Variants in HS3ST2 observed in about 807,000 individuals in gnomAD.
HS3ST2 encodes heparan sulfate-glucosamine 3-sulfotransferase 2, also known as heparan sulfate glucosamine 3-O-sulfotransferase 2.
HS3ST2 carries 17 observed loss-of-function variants against 26.3 expected under a neutral mutation model. The observed-to-expected ratio is 0.65, with a 90% CI of 0.44 to 0.97. The LOEUF is 0.97. HS3ST2 is among the 50% of genes least tolerant of loss of function. The pLI is 0.00. For synonymous variants in HS3ST2, 237 were observed against 219.2 expected (o/e 1.08, Z -0.72); for missense variants, 402 against 501.2 (o/e 0.80, Z 1.89).
At chr16:22,892,151 G>C (rs982323554) in intron 1 of HS3ST2, among the ~76,000 whole-genome samples, 1 of 151,404 alleles carries the variant, frequency 6.6e-6, no homozygotes, top group Non-Finnish European at 1.5e-5. Flanking sequence ...TTAGCCGGGC[G>C]TGGTGGCAGG....
chr16:22,915,830 A>C lies in HS3ST2; in HGVS notation c.*268A>C, dbSNP rs1902488431. On this transcript the variant is annotated 3_prime_UTR_variant, in exon 2 of 2. Transcript: ENST00000261374. ...GAATCATTCTCCTTTCTGCCCATAA[A>C]GGGCCTTGGAGAATTGCTTTAAGAA... 3 of 473,176 alleles carry C rather than the reference A, an allele frequency of 6.3e-6. No homozygotes were observed. The highest frequency in any genetic ancestry group is 1.1e-5 in the Non-Finnish European group (3 of 267,562). The allele number at this position is 473,176 out of a possible 1,614,324, so 29.3% of individuals were successfully genotyped here. A position where few individuals can be genotyped will look rare whatever the true frequency, so the allele number is the denominator to read the frequency against.
intron 1 of HS3ST2, among the ~76,000 whole-genome samples, chr16:22,846,665 A>G (rs1328312424): frequency 6.6e-6 from 1 of 152,228 alleles, no homozygotes; most frequent in African/African-American, 2.4e-5. Flanking sequence ...AGGAACTACC[A>G]TGTACTGTTG....
chr16:22,836,619 A>C (rs553984099), intron 1 of HS3ST2, among the ~76,000 whole-genome samples: 1 of 151,352 alleles, frequency 6.6e-6, no homozygotes, highest in South Asian at 2.1e-4. Flanking sequence ...TTTTTCAATT[A>C]GTGCTTTAAC....
At chr16:22,862,703 T>C (rs1390895711) in intron 1 of HS3ST2, among the ~76,000 whole-genome samples, 1 of 152,012 alleles carries the variant, frequency 6.6e-6, no homozygotes, top group Non-Finnish European at 1.5e-5. Context: ...GCTCAAGGGG[T>C]ATTCAAGGCA....
intron 1 of HS3ST2, among the ~76,000 whole-genome samples, chr16:22,896,899 T>C (rs1182952902): frequency 6.6e-6 from 1 of 152,216 alleles, no homozygotes; most frequent in Non-Finnish European, 1.5e-5. Flanking sequence ...CTTGACTTCC[T>C]GGGCTCAAGT....
intron 1 of HS3ST2, among the ~76,000 whole-genome samples, chr16:22,877,977 C>T (rs956326854): frequency 6.6e-6 from 1 of 152,134 alleles, no homozygotes; most frequent in Non-Finnish European, 1.5e-5. Context: ...GGAGCCCACC[C>T]ACAAGACAAT....
chr16:22,908,412 A>G (rs1481121402), intron 1 of HS3ST2, among the ~76,000 whole-genome samples: 1 of 152,180 alleles, frequency 6.6e-6, no homozygotes, highest in Non-Finnish European at 1.5e-5. Flanking sequence ...TCAACAGAAA[A>G]TAAGTGTCTT....
chr16:22,903,421 G>A (rs1037478903), intron 1 of HS3ST2, among the ~76,000 whole-genome samples: 3 of 152,226 alleles, frequency 2.0e-5, no homozygotes, highest in Non-Finnish European at 4.4e-5. Flanking sequence ...TATGGCTGAT[G>A]ACTGCTGCGT....
intron 1 of HS3ST2, among the ~76,000 whole-genome samples, chr16:22,856,733 C>A (rs1367931188): frequency 6.6e-6 from 1 of 152,090 alleles, no homozygotes; most frequent in Non-Finnish European, 1.5e-5. Context: ...TTGGCCGTGA[C>A]CTCAGAGGGC....
intron 1 of HS3ST2, among the ~76,000 whole-genome samples, chr16:22,827,755 A>G (rs1244043641): frequency 7.5e-6 from 1 of 132,690 alleles, no homozygotes; most frequent in Non-Finnish European, 1.5e-5. Flanking sequence ...TCTGTTGCCC[A>G]TGCTGGAGTG....
intron 1 of HS3ST2, among the ~76,000 whole-genome samples, chr16:22,851,864 A>G (rs1901523404): frequency 6.6e-6 from 1 of 152,136 alleles, no homozygotes; most frequent in Admixed American, 6.6e-5. Context: ...ATGTTAGCTG[A>G]TGTAACATGA....
chr16:22,824,244 G>A (rs549246132), intron 1 of HS3ST2, among the ~76,000 whole-genome samples: 1 of 152,284 alleles, frequency 6.6e-6, no homozygotes, highest in East Asian at 1.9e-4. Context: ...AAAACATGAC[G>A]TGAAGCTTAA....
At chr16:22,889,583 T>C in intron 1 of HS3ST2, among the ~76,000 whole-genome samples, 1 of 152,096 alleles carries the variant, frequency 6.6e-6, no homozygotes, top group East Asian at 1.9e-4. Context: ...TATTCCAAAA[T>C]CTGGAAAAAA....
chr16:22,834,188 T>C (rs1386396467), intron 1 of HS3ST2, among the ~76,000 whole-genome samples: 2 of 152,118 alleles, frequency 1.3e-5, no homozygotes, highest in Non-Finnish European at 2.9e-5. Context: ...AAAATTAAAA[T>C]GGAAATCGTG....
intron 1 of HS3ST2, among the ~76,000 whole-genome samples, chr16:22,880,547 C>T (rs970854048): frequency 6.6e-6 from 1 of 152,178 alleles, no homozygotes; most frequent in African/African-American, 2.4e-5. Flanking sequence ...TCTGTTTTAC[C>T]TATTCGATCC....
intron 1 of HS3ST2, among the ~76,000 whole-genome samples, chr16:22,855,696 G>GTCTCTCTCTCTGTC (rs1901583394): frequency 1.4e-5 from 2 of 142,940 alleles, no homozygotes; most frequent in African/African-American, 2.6e-5. Context: ...CTGTCTCTCT[G>GTCTCTCTCTCTGTC]TCTCTCTCTC....
At chr16:22,832,174 T>TTTTTTTTTTTTTTTTTG (rs1186081994) in intron 1 of HS3ST2, among the ~76,000 whole-genome samples, 1 of 150,806 alleles carries the variant, frequency 6.6e-6, no homozygotes. Flanking sequence ...TTTTTTAATT[T>TTTTTTTTTTTTTTTTTG]TTAGTGGAGA....
chr16:22,848,761 T>C (rs1281244264), intron 1 of HS3ST2, among the ~76,000 whole-genome samples: 1 of 152,206 alleles, frequency 6.6e-6, no homozygotes, highest in Non-Finnish European at 1.5e-5. Context: ...TGTTCTCTGC[T>C]GTCTGTTAGA....
At position 22,814,694 on chromosome 16, in the gene HS3ST2, C is replaced by G. The variant is rs767102972; in HGVS notation, c.84C>G (p.Leu28=). Residue 28 remains leucine (L), a synonymous_variant, in exon 1 of 2, where the codon CTC becomes CTG. Transcript: ENST00000261374. The part of the protein sequence containing the change: ...RRLLFAFTLS[L]SCTYLCYSFL... ...TGCTCTTCGCCTTCACGCTCTCGCT[C>G]TCCTGCACTTACCTGTGTTACAGCT... The G allele has an allele frequency of 6.2e-7, 1 of 1,606,592 alleles. No individual in the cohort carries two copies. Among genetic ancestry groups the G allele is most frequent in the Non-Finnish European group, 8.5e-7 (1 of 1,177,464 alleles).
Sources: gnomAD v4.1 joint callset for allele counts (sites outside exome capture counted in the v4.1 genomes callset) on GRCh38, gnomAD v4.1.1 for gene constraint, MANE v1.5 for transcripts, NCBI Gene and HGNC (gene_info 2026-07-23, HGNC 2026-07-21) for gene names.